ARHGAP10: variants seen among roughly 807,000 people sequenced by gnomAD.
The protein encoded by ARHGAP10 is Rho GTPase activating protein 10.
A neutral mutation model predicts 108.6 loss-of-function variants in ARHGAP10; 87 were observed. That is an observed-to-expected ratio of 0.80 (90% CI 0.67 to 0.96). The LOEUF is 0.96. Among genes scored for constraint, ARHGAP10 ranks in the 40% least tolerant of loss-of-function variants. ARHGAP10 has a pLI of 0.00. For missense variants in ARHGAP10, 939 were observed against 954.5 expected, an observed-to-expected ratio of 0.98 and a Z score of 0.21; for synonymous variants, 347 against 341.1, an observed-to-expected ratio of 1.02 and a Z score of -0.19.
chr4:147,766,835 TA>T lies in ARHGAP10; in HGVS notation c.154+34381del, dbSNP rs1455980099. Among the ~76,000 whole-genome samples, 315 of 109,666 alleles carry T rather than the reference TA, an allele frequency of 2.9e-3. 1 individual carries two copies. The highest frequency in any genetic ancestry group is 0.012 in the African/African-American group (294 of 23,996). The allele number at this position is 109,666 out of a possible 152,430, so 71.9% of individuals were successfully genotyped here. ...ATATATATATATATATATATATATA[TA>T]TATTTATTTATTTATTTATTTATTT... On this transcript the variant is annotated intron_variant, in intron 1 of 22. Coordinates refer to ENST00000336498, the MANE Select transcript of ARHGAP10 (RefSeq NM_024605.4).
chr4:147,779,358 C>T (rs1212624882), intron 1 of ARHGAP10, among the ~76,000 whole-genome samples: 1 of 152,180 alleles, frequency 6.6e-6, no homozygotes, highest in African/African-American at 2.4e-5. Flanking sequence ...TCTTGAGTAC[C>T]AGCCTAAGGA....
chr4:147,813,191 C>T (rs2126774747), intron 1 of ARHGAP10, among the ~76,000 whole-genome samples: 1 of 151,712 alleles, frequency 6.6e-6, no homozygotes. Flanking sequence ...GTAAAGTCTT[C>T]AAACATAATT....
chr4:147,919,806 C>G (rs1737160396), intron 13 of ARHGAP10, among the ~76,000 whole-genome samples: 1 of 152,110 alleles, frequency 6.6e-6, no homozygotes, highest in African/African-American at 2.4e-5. Context: ...GTCTTGAACT[C>G]CTGACCTTAA....
intron 12 of ARHGAP10, 108 bp downstream of exon 12, chr4:147,909,885 T>TC: frequency 8.4e-6 from 9 of 1,067,214 alleles, no homozygotes; most frequent in Non-Finnish European, 1.3e-5. Context: ...GCACCCTCTA[T>TC]TAGACAGAGG....
chr4:148,044,575 G>T (rs1309013630), intron 19 of ARHGAP10, among the ~76,000 whole-genome samples: 1 of 152,168 alleles, frequency 6.6e-6, no homozygotes, highest in African/African-American at 2.4e-5. Context: ...CGTCATGCCA[G>T]GTCAATGTTC....
intron 3 of ARHGAP10, among the ~76,000 whole-genome samples, chr4:147,838,872 CCTT>C (rs1733280590): frequency 6.6e-6 from 1 of 152,002 alleles, no homozygotes; most frequent in Non-Finnish European, 1.5e-5. Context: ...TCTTAGTGTC[CCTT>C]TGTTTTTGTA....
In ARHGAP10 at chr4:147,765,943, A is replaced by G. The variant is rs1579016692; in HGVS notation, c.154+33488A>G. Among the ~76,000 whole-genome samples, 4 of 152,292 alleles carry G rather than the reference A, an allele frequency of 2.6e-5. 1 individual carries two copies. Among genetic ancestry groups the G allele is most frequent in the Admixed American group, 2.6e-4 (4 of 15,290 alleles). On this transcript the variant is annotated intron_variant, in intron 1 of 22. Coordinates refer to ENST00000336498, the MANE Select transcript of ARHGAP10 (RefSeq NM_024605.4). ...ATATCCTCGGGGGATTAGTTCCAGG[A>G]ACCCCTTGAATACCCAAATCTGCAG...
At chr4:147,747,482 A>G (rs938788575) in intron 1 of ARHGAP10, among the ~76,000 whole-genome samples, 1 of 152,262 alleles carries the variant, frequency 6.6e-6, no homozygotes, top group Non-Finnish European at 1.5e-5. Context: ...TGGTATGCAG[A>G]TAGCCCTTGT....
chr4:147,780,462 G>A (rs1185867815), intron 1 of ARHGAP10, among the ~76,000 whole-genome samples: 1 of 152,202 alleles, frequency 6.6e-6, no homozygotes, highest in East Asian at 1.9e-4. Context: ...TTGAAGGAAA[G>A]AGGGCAGTGT....
At chr4:147,869,133 A>C (rs1389978710) in intron 7 of ARHGAP10, among the ~76,000 whole-genome samples, 1 of 152,106 alleles carries the variant, frequency 6.6e-6, no homozygotes, top group Non-Finnish European at 1.5e-5. Context: ...TTTAGAGATA[A>C]TTAAGAGTTT....
chr4:147,929,265 T>C (rs757494622), intron 13 of ARHGAP10, among the ~76,000 whole-genome samples: 1 of 152,198 alleles, frequency 6.6e-6, no homozygotes, highest in Non-Finnish European at 1.5e-5. Flanking sequence ...TTACAAATAA[T>C]GCATTCTTTT....
At chr4:147,955,882 G>A (rs1224343124) in intron 16 of ARHGAP10, among the ~76,000 whole-genome samples, 1 of 152,054 alleles carries the variant, frequency 6.6e-6, no homozygotes, top group African/African-American at 2.4e-5. Flanking sequence ...GATACAGACT[G>A]AATAATATAC....
intron 1 of ARHGAP10, among the ~76,000 whole-genome samples, chr4:147,741,794 A>G (rs1003700133): frequency 9.2e-3 from 232 of 25,282 alleles, no homozygotes; most frequent in Admixed American, 0.016. Flanking sequence ...ACACACACGC[A>G]CACACACACA....
intron 11 of ARHGAP10, among the ~76,000 whole-genome samples, chr4:147,908,797 T>C (rs1400492576): frequency 6.6e-6 from 1 of 152,212 alleles, no homozygotes; most frequent in Non-Finnish European, 1.5e-5. Context: ...ATTTCAAGTA[T>C]ACACAAATTT....
At position 147,875,108 on chromosome 4, in the gene ARHGAP10, A is replaced by G. The variant is rs1439206257; in HGVS notation, c.790A>G (p.Ser264Gly). 1.2e-6 allele frequency: 2 copies of G among 1,607,766 alleles called. No individual in the cohort carries two copies. Among genetic ancestry groups the G allele is most frequent in the East Asian group, 2.2e-5 (1 of 44,550 alleles). ...RQNPKDHKRA[S>G]QFTAEGYLYV... Reference sequence around the variant, plus strand: ...GAATCCCAAGGACCACAAACGAGCAAGTCAGTTTACAGCCGAAGGCTACCT... The same window carrying G: ...GAATCCCAAGGACCACAAACGAGCAGGTCAGTTTACAGCCGAAGGCTACCT... Residue 264 changes from serine (S) to glycine (G), a missense_variant, in exon 8 of 23, where the codon AGT becomes GGT. Ser to Gly is a moderately conservative substitution (Grantham distance 56). Coordinates refer to ENST00000336498, the MANE Select transcript of ARHGAP10 (RefSeq NM_024605.4).
chr4:147,835,399 G>A (rs899191684), intron 3 of ARHGAP10, among the ~76,000 whole-genome samples: 1 of 151,882 alleles, frequency 6.6e-6, no homozygotes, highest in Non-Finnish European at 1.5e-5. Context: ...TTTCCCTTAA[G>A]TCTTGCTCTG....
intron 20 of ARHGAP10, 80 bp downstream of exon 20, chr4:148,047,131 C>T: frequency 6.6e-7 from 1 of 1,523,426 alleles, no homozygotes; most frequent in Non-Finnish European, 8.9e-7. Context: ...TGAGCAGTGA[C>T]CTGTGGGTGC....
intron 20 of ARHGAP10, among the ~76,000 whole-genome samples, chr4:148,048,606 C>T (rs954529570): frequency 3.3e-5 from 5 of 152,322 alleles, no homozygotes; most frequent in Admixed American, 3.3e-4. Flanking sequence ...CCTGGTTACA[C>T]TCGAGGTGGA....
intron 3 of ARHGAP10, among the ~76,000 whole-genome samples, chr4:147,830,788 G>A (rs1732928189): frequency 6.6e-6 from 1 of 152,082 alleles, no homozygotes; most frequent in African/African-American, 2.4e-5. Context: ...CCAAAGTGTT[G>A]GGATTACAGA....
Sources: allele counts gnomAD v4.1 joint callset (sites outside exome capture counted in the v4.1 genomes callset), GRCh38; gene constraint gnomAD v4.1.1; transcripts MANE v1.5; gene names NCBI Gene and HGNC (gene_info 2026-07-23, HGNC 2026-07-21).